Variants in FBXW11 observed in about 807,000 individuals in gnomAD.
The protein encoded by FBXW11 is F-box/WD repeat-containing protein 11.
In FBXW11, 19 loss-of-function variants were observed where a neutral mutation model predicts 77.6. The observed-to-expected ratio is 0.24, with a 90% CI of 0.17 to 0.36. FBXW11 has a LOEUF of 0.36. Among genes scored for constraint, FBXW11 ranks in the 10% least tolerant of loss-of-function variants. FBXW11 has a pLI of 1.00. For missense variants in FBXW11, 334 were observed against 704.2 expected, an observed-to-expected ratio of 0.47 and a Z score of 5.95; for synonymous variants, 235 against 249.4, an observed-to-expected ratio of 0.94 and a Z score of 0.54.
At chr5:171,943,910 T>A (rs535040746) in intron 2 of FBXW11, among the ~76,000 whole-genome samples, 33 of 152,266 alleles carry the variant, frequency 2.2e-4, no homozygotes, top group African/African-American at 6.0e-4. Context: ...AAATGTTCAA[T>A]CCTAGTGAAG....
intron 2 of FBXW11, among the ~76,000 whole-genome samples, chr5:171,938,501 A>T (rs1267913442): frequency 6.6e-6 from 1 of 152,250 alleles, no homozygotes; most frequent in Admixed American, 6.5e-5. Flanking sequence ...TTGATAACAC[A>T]TTCAGTCAAT....
At chr5:171,884,215 A>G (rs551511978) in intron 7 of FBXW11, among the ~76,000 whole-genome samples, 2 of 152,214 alleles carry the variant, frequency 1.3e-5, no homozygotes, top group Non-Finnish European at 2.9e-5. Flanking sequence ...TGATTTTTGT[A>G]TAAGGTGAGA....
rs777054022 is a variant in FBXW11 at position 171,869,812 on chromosome 5, A to G, written c.1452-5T>C. 6.3e-7 allele frequency: 1 copy of G among 1,598,120 alleles called. No individual in the cohort carries two copies. Among genetic ancestry groups the G allele is most frequent in the East Asian group, 2.3e-5 (1 of 44,336 alleles). On this transcript the variant is annotated splice_region_variant and splice_polypyrimidine_tract_variant and intron_variant, in intron 11 of 13. Transcript: ENST00000517395. The surrounding 1 kb of genome is among the most constrained non-coding windows in gnomAD (Gnocchi z 4.1). ...AAGTCCCAAACTTTAATTTTCCTAGAAAGGAAAATGAGATGTGATTAGTGG... is the reference window on the plus strand; with the variant it reads ...AAGTCCCAAACTTTAATTTTCCTAGGAAGGAAAATGAGATGTGATTAGTGG...
intron 2 of FBXW11, among the ~76,000 whole-genome samples, chr5:171,953,191 T>C (rs1444666617): frequency 2.6e-5 from 4 of 152,168 alleles, no homozygotes; most frequent in Non-Finnish European, 5.9e-5. Context: ...TTGTAGGGCC[T>C]TGCTATGTTG....
chr5:171,970,402 A>C lies in FBXW11; in HGVS notation c.46-12704T>G, dbSNP rs904667199. On this transcript the variant is annotated intron_variant, in intron 1 of 13. Transcript: ENST00000517395. ...GCTTCTAAGTTTCCTGAGGCCTCCC[A>C]GCCATGCAGAACTGTGAGCCAATTA... Among the ~76,000 whole-genome samples the C allele has an allele frequency of 7.1e-4, 108 of 152,332 alleles. 1 individual carries two copies. Among genetic ancestry groups the C allele is most frequent in the African/African-American group, 2.5e-3 (102 of 41,570 alleles).
chr5:171,982,117 T>G (rs115042930), intron 1 of FBXW11, among the ~76,000 whole-genome samples: 2,237 of 152,230 alleles, frequency 0.015, 66 homozygotes, highest in African/African-American at 0.049. Flanking sequence ...TATATATTTC[T>G]CAAAACTCAA....
chr5:171,877,930 C>T (rs1187004826), intron 8 of FBXW11, 81 bp downstream of exon 8: 7 of 980,680 alleles, frequency 7.1e-6, no homozygotes, highest in Non-Finnish European at 1.1e-5. Flanking sequence ...TTTGTGTATG[C>T]CTCTCCCAGA....
chr5:171,961,487 A>G (rs1009238898), intron 1 of FBXW11, among the ~76,000 whole-genome samples: 6 of 152,222 alleles, frequency 3.9e-5, no homozygotes, highest in African/African-American at 1.4e-4. Flanking sequence ...TTAGTAAGAA[A>G]GTCTGTACCC....
At chr5:172,002,696 CTTTTTTTTTT>C (rs34300477) in intron 1 of FBXW11, among the ~76,000 whole-genome samples, 14 of 97,054 alleles carry the variant, frequency 1.4e-4, no homozygotes, top group African/African-American at 6.2e-4. Context: ...TTTTTCTTTT[CTTTTTTTTTT>C]TTTTTTTTTT....
intron 1 of FBXW11, among the ~76,000 whole-genome samples, chr5:171,959,999 C>T (rs892759387): frequency 2.0e-5 from 3 of 152,144 alleles, no homozygotes; most frequent in Non-Finnish European, 4.4e-5. Flanking sequence ...CACTCTCTAT[C>T]CAGAGATATT....
intron 1 of FBXW11, among the ~76,000 whole-genome samples, chr5:171,986,153 A>T (rs1036078723): frequency 6.6e-6 from 1 of 152,166 alleles, no homozygotes; most frequent in Admixed American, 6.5e-5. Flanking sequence ...CACATCTATA[A>T]TACCAGCACT....
chr5:171,893,937 C>CG (rs769505770), intron 6 of FBXW11, among the ~76,000 whole-genome samples: 18 of 151,306 alleles, frequency 1.2e-4, no homozygotes, highest in Admixed American at 5.9e-4. Flanking sequence ...CATTTACTAC[C>CG]GCATGAGAGT....
chr5:171,985,157 A>G, intron 1 of FBXW11, among the ~76,000 whole-genome samples: 1 of 152,148 alleles, frequency 6.6e-6, no homozygotes, highest in East Asian at 1.9e-4. Context: ...TCCCTGGGAC[A>G]TTCCAACAGT....
Position 171,904,211 on chromosome 5 carries a change from C to T in FBXW11, c.437-4111G>A, listed in dbSNP as rs1289190703. On this transcript the variant is annotated intron_variant, in intron 4 of 13. Coordinates refer to ENST00000517395, the MANE Select transcript of FBXW11 (RefSeq NM_001378974.1). This position sits in a 1 kb window ranked among gnomAD's most constrained non-coding sequence, Gnocchi z 4.0. ...GGCAGGATGAGGCGCGCGAGAACCA[C>T]TTGAACCTAGGAGGTGGCGGTTGCA... is the stretch of plus-strand genomic sequence containing the variant. Among the ~76,000 whole-genome samples the T allele has an allele frequency of 6.6e-6, 1 of 152,020 alleles. No homozygotes were observed. Among genetic ancestry groups the T allele is most frequent in the Non-Finnish European group, 1.5e-5 (1 of 68,016 alleles).
At chr5:171,934,754 G>A (rs1007878826) in intron 2 of FBXW11, among the ~76,000 whole-genome samples, 6 of 151,718 alleles carry the variant, frequency 4.0e-5, no homozygotes, top group Middle Eastern at 3.4e-3. Context: ...GAATAAAAAT[G>A]AGATGAAGAA....
At chr5:171,973,471 C>G (rs1285715510) in intron 1 of FBXW11, among the ~76,000 whole-genome samples, 5 of 152,096 alleles carry the variant, frequency 3.3e-5, no homozygotes, top group African/African-American at 1.2e-4. Context: ...TAGAGGGCAT[C>G]CTACAATGTA....
intron 7 of FBXW11, among the ~76,000 whole-genome samples, chr5:171,888,629 A>G (rs1326310935): frequency 6.6e-6 from 1 of 152,198 alleles, no homozygotes; most frequent in Non-Finnish European, 1.5e-5. Flanking sequence ...TCTTTACAAC[A>G]TAATATCCAC....
chr5:171,957,311 C>G (rs1408493998), intron 2 of FBXW11, among the ~76,000 whole-genome samples: 1 of 152,040 alleles, frequency 6.6e-6, no homozygotes, highest in Non-Finnish European at 1.5e-5. Context: ...TTTTTTGGCA[C>G]ATGCGCAACT....
intron 6 of FBXW11, among the ~76,000 whole-genome samples, chr5:171,892,649 T>C (rs1759432782): frequency 6.6e-6 from 1 of 152,186 alleles, no homozygotes; most frequent in Non-Finnish European, 1.5e-5. Context: ...ACAAGTTTAG[T>C]GAAGAAGTAG....
Sources: gnomAD v4.1 joint callset for allele counts (sites outside exome capture counted in the v4.1 genomes callset) on GRCh38, gnomAD v4.1.1 for gene constraint, Gnocchi (gnomAD v3.1) non-coding constraint, MANE v1.5 for transcripts, NCBI Gene and HGNC (gene_info 2026-07-23, HGNC 2026-07-21) for gene names.